CADPS: variants seen among roughly 807,000 people sequenced by gnomAD.
CADPS encodes the protein calcium dependent secretion activator, also known as calcium-dependent secretion activator 1.
In CADPS, 57 loss-of-function variants were observed where a neutral mutation model predicts 167.3. The observed-to-expected ratio is 0.34, with a 90% CI of 0.28 to 0.42. The LOEUF (loss-of-function observed/expected upper bound fraction) is 0.42. CADPS is among the 20% of genes least tolerant of loss of function. CADPS has a pLI of 1.00. For missense variants in CADPS, 1,414 were observed against 1,738.1 expected, an observed-to-expected ratio of 0.81 and a Z score of 3.32; for synonymous variants, 676 against 635.3, an observed-to-expected ratio of 1.06 and a Z score of -0.96.
intron 24 of CADPS, among the ~76,000 whole-genome samples, chr3:62,472,819 G>A (rs1025575275): frequency 2.0e-5 from 3 of 152,188 alleles, no homozygotes; most frequent in African/African-American, 4.8e-5. Context: ...TCTGAACACC[G>A]AACCCAGGTC....
chr3:62,430,382 C>T (rs946793561), intron 28 of CADPS, among the ~76,000 whole-genome samples: 2 of 152,144 alleles, frequency 1.3e-5, no homozygotes, highest in African/African-American at 4.8e-5. Context: ...AGCACCAAAA[C>T]ACTCGGTTCA....
At chr3:62,698,643 CCTT>C (rs1040633455) in intron 3 of CADPS, among the ~76,000 whole-genome samples, 3 of 122,028 alleles carry the variant, frequency 2.5e-5, no homozygotes, top group African/African-American at 8.3e-5. Flanking sequence ...TTCTCCTTCT[CCTT>C]CTTCTCTTTC....
chr3:62,530,562 G>A (rs900958157), intron 13 of CADPS: 3 of 826,984 alleles, frequency 3.6e-6, no homozygotes, highest in Non-Finnish European at 4.7e-6. Flanking sequence ...AATACTCAAA[G>A]CTTGCAAAAG....
intron 1 of CADPS, chr3:62,814,347 C>T (rs1333090178): frequency 2.0e-5 from 3 of 152,014 alleles, no homozygotes; most frequent in Non-Finnish European, 2.9e-5. Flanking sequence ...TCAATATAGC[C>T]ACAACATTAT....
intron 26 of CADPS, among the ~76,000 whole-genome samples, chr3:62,461,013 T>C (rs777595771): frequency 6.6e-6 from 1 of 152,204 alleles, no homozygotes; most frequent in Non-Finnish European, 1.5e-5. Context: ...AGGTTCTGTC[T>C]GCTTTGAGAT....
chr3:62,536,708 C>A, intron 11 of CADPS, 127 bp from the exon 12 acceptor site: 1 of 843,250 alleles, frequency 1.2e-6, no homozygotes. Context: ...TGCCTCCCAC[C>A]AACATCCCCA....
At chr3:62,670,500 C>T (rs2075314411) in intron 3 of CADPS, among the ~76,000 whole-genome samples, 1 of 152,136 alleles carries the variant, frequency 6.6e-6, no homozygotes, top group South Asian at 2.1e-4. Context: ...AGTTTCCATT[C>T]TGAATGATGT....
chr3:62,446,939 A>G lies in CADPS; in HGVS notation c.3637-1142T>C, dbSNP rs1277312484. ...CATCTCAGCCAGGCTTCCTCCTGCA[A>G]TTTGGCTGAGATCAATATTAGGAAT... is the stretch of plus-strand genomic sequence containing the variant. On this transcript the variant is annotated intron_variant, in intron 26 of 29. Transcript: ENST00000383710. This position sits in a 1 kb window ranked among gnomAD's most constrained non-coding sequence, Gnocchi z 4.9. Among the ~76,000 whole-genome samples the G allele has an allele frequency of 6.6e-6, 1 of 152,182 alleles. No individual in the cohort carries two copies. The highest frequency in any genetic ancestry group is 2.1e-4 in the South Asian group (1 of 4,830).
rs776572891 is a variant in CADPS at position 62,478,010 on chromosome 3, G to A, written c.3329+251C>T. On this transcript the variant is annotated intron_variant, in intron 23 of 29. Coordinates refer to ENST00000383710, the MANE Select transcript of CADPS (RefSeq NM_003716.4). This position sits in a 1 kb window ranked among gnomAD's most constrained non-coding sequence, Gnocchi z 5.7. Reference sequence around the variant, plus strand: ...CAGGGATACAAAAAAGAATGGACAGGGATCTTTTCCTCTTAAAGCCAACAA... The same window carrying A: ...CAGGGATACAAAAAAGAATGGACAGAGATCTTTTCCTCTTAAAGCCAACAA... 4 of 457,300 alleles carry A rather than the reference G, an allele frequency of 8.7e-6. No individual in the cohort carries two copies. The highest frequency in any genetic ancestry group is 1.6e-5 in the Non-Finnish European group (4 of 253,460). The allele number at this position is 457,300 out of a possible 1,614,324, so 28.3% of individuals were successfully genotyped here. A position where few individuals can be genotyped will look rare whatever the true frequency, so the allele number is the denominator to read the frequency against.
At chr3:62,536,874 T>G (rs1037225545) in intron 11 of CADPS, among the ~76,000 whole-genome samples, 2 of 152,186 alleles carry the variant, frequency 1.3e-5, no homozygotes, top group African/African-American at 4.8e-5. Flanking sequence ...AGACCGTAAC[T>G]TCGCCTGCAT....
rs1269711170 is a variant in CADPS at position 62,421,587 on chromosome 3, G to T, written c.3777+16517C>A. Among the ~76,000 whole-genome samples the T allele has an allele frequency of 1.3e-5, 2 of 152,208 alleles. No individual in the cohort carries two copies. Among genetic ancestry groups the T allele is most frequent in the Non-Finnish European group, 2.9e-5 (2 of 68,030 alleles). Reference sequence around the variant, plus strand: ...ACAACATGTTATAGACAGTAGTCTTGCTAGAAAGAGACTTTATTTTAACTT... The same window carrying T: ...ACAACATGTTATAGACAGTAGTCTTTCTAGAAAGAGACTTTATTTTAACTT... On this transcript the variant is annotated intron_variant, in intron 28 of 29. Transcript: ENST00000383710. The surrounding 1 kb of genome is among the most constrained non-coding windows in gnomAD (Gnocchi z 4.7).
At position 62,585,166 on chromosome 3, in the gene CADPS, T is replaced by A. The variant is rs369820082; in HGVS notation, c.1577+19A>T. 1.2e-6 allele frequency: 2 copies of A among 1,611,614 alleles called. No homozygotes were observed. Among genetic ancestry groups the A allele is most frequent in the East Asian group, 4.5e-5 (2 of 44,804 alleles). On this transcript the variant is annotated intron_variant, in intron 8 of 29. Coordinates refer to ENST00000383710, the MANE Select transcript of CADPS (RefSeq NM_003716.4). ...ACAGACGTGTGTCCAAAACTGCTAG[T>A]TGGGGAAGAAACACTTACCCAGAAT...
At chr3:62,591,558 A>G (rs893571866) in intron 7 of CADPS, among the ~76,000 whole-genome samples, 1 of 152,160 alleles carries the variant, frequency 6.6e-6, no homozygotes, top group African/African-American at 2.4e-5. Flanking sequence ...GGAATGTGGC[A>G]GCAGATGGGG....
rs1188208739 is a variant in CADPS at position 62,458,679 on chromosome 3, G to A, written c.3636+6688C>T. On this transcript the variant is annotated intron_variant, in intron 26 of 29. Transcript: ENST00000383710. The surrounding 1 kb of genome is among the most constrained non-coding windows in gnomAD (Gnocchi z 4.6). ...AATTTTTGTATTTTTAGTAGAGATG[G>A]AGTTTCACCATGTTGGCCAGGCTGG... 6.6e-6 allele frequency among the ~76,000 whole-genome samples: 1 copy of A among 152,054 alleles called. No homozygotes were observed. Among genetic ancestry groups the A allele is most frequent in the East Asian group, 1.9e-4 (1 of 5,166 alleles).
At chr3:62,409,681 A>G (rs1451567310) in intron 28 of CADPS, among the ~76,000 whole-genome samples, 2 of 152,232 alleles carry the variant, frequency 1.3e-5, no homozygotes, top group Non-Finnish European at 2.9e-5. Context: ...CTAGTGGAAG[A>G]AACTAGAAAA....
chr3:62,451,646 T>C (rs2058067479), intron 26 of CADPS, among the ~76,000 whole-genome samples: 1 of 152,086 alleles, frequency 6.6e-6, no homozygotes, highest in Non-Finnish European at 1.5e-5. Flanking sequence ...AATGATTTAT[T>C]CTCTCCATGA....
At position 62,753,426 on chromosome 3, in the gene CADPS, C is replaced by A. The variant is rs113181832; in HGVS notation, c.888+15G>T. The A allele has an allele frequency of 5.0e-6, 8 of 1,590,254 alleles. No individual in the cohort carries two copies. The highest frequency in any genetic ancestry group is 6.9e-6 in the Non-Finnish European group (8 of 1,163,450). Reference sequence around the variant, plus strand: ...GCTTACCCACAGCTCTAGGCCCAGGCGAGAAACACCTTACCTGGCAGGCAT... The same window carrying A: ...GCTTACCCACAGCTCTAGGCCCAGGAGAGAAACACCTTACCTGGCAGGCAT... On this transcript the variant is annotated intron_variant, in intron 3 of 29. Transcript: ENST00000383710. The surrounding 1 kb of genome is among the most constrained non-coding windows in gnomAD (Gnocchi z 4.6).
Position 62,874,729 on chromosome 3 carries a change from C to T in CADPS, c.301G>A (p.Glu101Lys). ...TGCAGCCGCTCCAACTCTTCCTTCT[C>T]CTTCTCGCTCACCACCGACGGGCTG... Reference protein sequence around the residue: ...SPSPSVVSEKEKEELERLQKE... With the variant: ...SPSPSVVSEKKKEELERLQKE... Residue 101 changes from glutamate to lysine, a missense_variant, in exon 1 of 30, where the codon GAG becomes AAG. Around this residue, in one of 6 missense-constraint regions of CADPS, gnomAD observed 522 missense variants for 559.5 expected, o/e 0.93. Transcript: ENST00000383710. This position sits in a 1 kb window ranked among gnomAD's most constrained non-coding sequence, Gnocchi z 7.1. 6.5e-7 allele frequency: 1 copy of T among 1,530,076 alleles called. No homozygotes were observed. The highest frequency in any genetic ancestry group is 8.9e-7 in the Non-Finnish European group (1 of 1,127,830). 94.8% of individuals were successfully genotyped at this position (1,530,076 alleles called of 1,614,324 possible).
At chr3:62,740,878 A>C (rs762684318) in intron 3 of CADPS, among the ~76,000 whole-genome samples, 8 of 152,256 alleles carry the variant, frequency 5.3e-5, no homozygotes, top group Admixed American at 6.5e-5. Flanking sequence ...TAAATAGCTA[A>C]GCCTGGATTC....
Sources: allele counts gnomAD v4.1 joint callset (sites outside exome capture counted in the v4.1 genomes callset), GRCh38; gene constraint gnomAD v4.1.1; regional missense constraint gnomAD v4.1.1; non-coding constraint Gnocchi (gnomAD v3.1); transcripts MANE v1.5; gene names NCBI Gene and HGNC (gene_info 2026-07-23, HGNC 2026-07-21).